PCDHA13: variants seen among roughly 807,000 people sequenced by gnomAD.
The protein encoded by PCDHA13 is protocadherin alpha 13.
A neutral mutation model predicts 64.8 loss-of-function variants in PCDHA13; 54 were observed. That is an observed-to-expected ratio of 0.83 (90% CI 0.67 to 1.04). PCDHA13 has a LOEUF of 1.04. Among genes scored for constraint, PCDHA13 ranks in the 50% least tolerant of loss-of-function variants. The pLI, the probability that PCDHA13 is intolerant of heterozygous loss-of-function variation, is 0.00. For synonymous variants in PCDHA13, 587 were observed against 564.4 expected (o/e 1.04, Z -0.57); for missense variants, 1,248 against 1,254.3 (o/e 0.99, Z 0.08).
chr5:140,981,694 A>C (rs1407083166), intron 2 of PCDHA13, among the ~76,000 whole-genome samples: 1 of 151,154 alleles, frequency 6.6e-6, no homozygotes, highest in Non-Finnish European at 1.5e-5. Context: ...TCCATCATTC[A>C]TTCATTCATT....
chr5:140,982,998 GAAAGAA>G (rs1469608645), intron 3 of PCDHA13, among the ~76,000 whole-genome samples: 10 of 151,726 alleles, frequency 6.6e-5, no homozygotes, highest in Admixed American at 5.2e-4. Context: ...AAGAAGGAAA[GAAAGAA>G]AAAGGAAGGA....
chr5:140,888,077 A>T (rs575248983), intron 1 of PCDHA13, among the ~76,000 whole-genome samples: 2 of 152,238 alleles, frequency 1.3e-5, no homozygotes, highest in African/African-American at 4.8e-5. Flanking sequence ...TGCTAATTTC[A>T]ACATTTTTGT....
intron 1 of PCDHA13, chr5:140,966,947 G>A (rs782439197): frequency 6.2e-7 from 1 of 1,603,520 alleles, no homozygotes; most frequent in Middle Eastern, 1.7e-4. Context: ...CGTGGGCAAC[G>A]TGGCTCGCGC....
At chr5:140,924,906 TA>T (rs1284498744) in intron 1 of PCDHA13, among the ~76,000 whole-genome samples, 1 of 55,776 alleles carries the variant, frequency 1.8e-5, no homozygotes, top group African/African-American at 8.7e-5. Flanking sequence ...AAAAAAAAAA[TA>T]AAATAAAATA....
At chr5:140,940,285 T>C (rs2092587239) in intron 1 of PCDHA13, among the ~76,000 whole-genome samples, 3 of 152,222 alleles carry the variant, frequency 2.0e-5, no homozygotes, top group Admixed American at 6.5e-5. Context: ...CTCATTGTGC[T>C]GCTTCATCAG....
intron 1 of PCDHA13, among the ~76,000 whole-genome samples, chr5:140,957,345 A>G (rs1375707193): frequency 6.6e-6 from 1 of 152,170 alleles, no homozygotes; most frequent in Admixed American, 6.5e-5. Flanking sequence ...ATTTTGAGAG[A>G]GAGACCACAT....
At chr5:140,886,827 GAAAA>G (rs782016620) in intron 1 of PCDHA13, among the ~76,000 whole-genome samples, 16 of 60,888 alleles carry the variant, frequency 2.6e-4, no homozygotes, top group Non-Finnish European at 3.3e-4. Flanking sequence ...ACTTCGTCTT[GAAAA>G]AAAAAAAAAA....
At chr5:140,909,983 C>T (rs2074810620) in intron 1 of PCDHA13, among the ~76,000 whole-genome samples, 1 of 152,214 alleles carries the variant, frequency 6.6e-6, no homozygotes, top group Non-Finnish European at 1.5e-5. Context: ...GGGAGAAAGA[C>T]TAACAGCATA....
chr5:140,977,630 C>T (rs2096769145), intron 1 of PCDHA13, among the ~76,000 whole-genome samples: 1 of 152,148 alleles, frequency 6.6e-6, no homozygotes, highest in African/African-American at 2.4e-5. Flanking sequence ...AGAGTTGTAA[C>T]TTTTTCTGGG....
intron 2 of PCDHA13, among the ~76,000 whole-genome samples, chr5:140,980,255 C>T (rs782489996): frequency 2.0e-4 from 31 of 152,210 alleles, no homozygotes; most frequent in Middle Eastern, 3.2e-3. Flanking sequence ...TGGGTAAAAG[C>T]ATGGTTTACA....
At position 140,882,711 on chromosome 5, in the gene PCDHA13, C is replaced by T. The variant is rs1554175311; in HGVS notation, c.443C>T (p.Pro148Leu). The T allele has an allele frequency of 6.2e-7, 1 of 1,614,160 alleles. No individual in the cohort carries two copies. The highest frequency in any genetic ancestry group is 8.5e-7 in the Non-Finnish European group (1 of 1,180,032). Residue 148 changes from proline (P) to leucine (L), a missense_variant, in exon 1 of 4, where the codon CCG becomes CTG. Pro to Leu is a moderately conservative substitution (Grantham distance 98). Coordinates refer to ENST00000289272, the MANE Select transcript of PCDHA13 (RefSeq NM_018904.3). ...KRIIIAESRP[P>L]ETRFPLDGAS... is the part of the protein sequence containing the mutation. ...ATAATCATTGCAGAATCTAGACCTCCGGAAACTCGATTTCCACTAGATGGC... is the reference window on the plus strand; with the variant it reads ...ATAATCATTGCAGAATCTAGACCTCTGGAAACTCGATTTCCACTAGATGGC...
At chr5:140,917,940 G>T (rs2078445007) in intron 1 of PCDHA13, among the ~76,000 whole-genome samples, 1 of 151,950 alleles carries the variant, frequency 6.6e-6, no homozygotes, top group African/African-American at 2.4e-5. Flanking sequence ...AATAATATTG[G>T]TAGTTTGATA....
rs373518493 is a variant in PCDHA13, at chr5:140,883,950, A to T, written c.1682A>T (p.Asn561Ile). 129 of 1,613,288 alleles carry T rather than the reference A, an allele frequency of 8.0e-5. 1 individual carries two copies. In the East Asian group the frequency reaches 1.2e-3, roughly 15 times the overall value. Reference sequence around the variant, plus strand: ...GTGTTCGTGCTGGACGAGAACGACAACGCTCCGGCGCTGCTGACGCCCGGG... The same window carrying T: ...GTGTTCGTGCTGGACGAGAACGACATCGCTCCGGCGCTGCTGACGCCCGGG... ...LQVFVLDEND[N>I]APALLTPGAG... Residue 561 changes from asparagine to isoleucine, a missense_variant, in exon 1 of 4, where the codon AAC becomes ATC. Coordinates refer to ENST00000289272, the MANE Select transcript of PCDHA13 (RefSeq NM_018904.3).
At position 140,912,557 on chromosome 5, in the gene PCDHA13, A is replaced by T. The variant is rs1220242152; in HGVS notation, c.2394+27895A>T. On this transcript the variant is annotated intron_variant, in intron 1 of 3. Transcript: ENST00000289272. ...GATCATATTGTCAGCAAACAGCAAC[A>T]GTTTTAACTTCCTCTTTTCCAATTT... Among the ~76,000 whole-genome samples the T allele has an allele frequency of 4.6e-5, 7 of 152,154 alleles. No individual in the cohort carries two copies. The South Asian group carries it at 1.5e-3, about 32-fold the overall frequency.
intron 1 of PCDHA13, among the ~76,000 whole-genome samples, chr5:140,978,464 C>T (rs1281042342): frequency 5.3e-5 from 8 of 152,226 alleles, no homozygotes; most frequent in Non-Finnish European, 2.9e-5. Flanking sequence ...CGCCCTGGGT[C>T]AAATATGCTG....
intron 1 of PCDHA13, among the ~76,000 whole-genome samples, chr5:140,898,020 AC>A (rs1483113036): frequency 6.6e-6 from 1 of 152,078 alleles, no homozygotes; most frequent in Non-Finnish European, 1.5e-5. Flanking sequence ...TCCTTTGCCC[AC>A]TTTTTGATGG....
chr5:140,966,578 G>A, intron 1 of PCDHA13: 1 of 527,316 alleles, frequency 1.9e-6, no homozygotes, highest in Non-Finnish European at 3.1e-6. Context: ...GGGAGTCAGC[G>A]AGGACGGTGG....
rs60032403 is a variant in PCDHA13 at position 140,941,214 on chromosome 5, C to CCTTT, written c.2395-37696_2395-37693dup. Among the ~76,000 whole-genome samples, 254 of 122,478 alleles carry CCTTT rather than the reference C, an allele frequency of 2.1e-3. 3 individuals carry two copies. The highest frequency in any genetic ancestry group is 3.1e-3 in the Non-Finnish European group (180 of 58,666). 80.4% of individuals were successfully genotyped at this position (122,478 alleles called of 152,430 possible). Reference sequence around the variant, plus strand: ...TTTTTTCTTTCTTCCTTTCTTTCTTCCTTTCTTTCTTTCTTTCTTTCTTTC... The same window carrying CCTTT: ...TTTTTTCTTTCTTCCTTTCTTTCTTCCTTTCTTTCTTTCTTTCTTTCTTTCTTTC... On this transcript the variant is annotated intron_variant, in intron 1 of 3. Coordinates refer to ENST00000289272, the MANE Select transcript of PCDHA13 (RefSeq NM_018904.3).
rs575141569 is a variant in PCDHA13, at chr5:140,917,876, CT to C, written c.2394+33224del. Among the ~76,000 whole-genome samples, 1,293 of 147,130 alleles carry C rather than the reference CT, an allele frequency of 8.8e-3. 5 individuals carry two copies. Among genetic ancestry groups the C allele is most frequent in the African/African-American group, 0.02 (816 of 40,244 alleles). ...TAGGATTGCTTTGACTATTTGGGCT[CT>C]TTTTTTTTTCCATATGAATGTTAGG... On this transcript the variant is annotated intron_variant, in intron 1 of 3. Coordinates refer to ENST00000289272, the MANE Select transcript of PCDHA13 (RefSeq NM_018904.3).
Sources: allele counts gnomAD v4.1 joint callset (sites outside exome capture counted in the v4.1 genomes callset), GRCh38; gene constraint gnomAD v4.1.1; transcripts MANE v1.5; gene names NCBI Gene and HGNC (gene_info 2026-07-23, HGNC 2026-07-21).